Variants in RBMS3 observed in about 807,000 individuals in gnomAD.
RBMS3 encodes RNA binding motif single stranded interacting protein 3, also known as RNA-binding motif, single-stranded-interacting protein 3.
A neutral mutation model predicts 66.8 loss-of-function variants in RBMS3; 27 were observed. The ratio of observed to expected loss-of-function variants is 0.40; its 90% CI spans 0.30 to 0.56. RBMS3 has a LOEUF of 0.56. Among genes scored for constraint, RBMS3 ranks in the 20% least tolerant of loss-of-function variants. The pLI, the probability that RBMS3 is intolerant of heterozygous loss-of-function variation, is 0.40. For missense variants in RBMS3, 513 were observed against 549.5 expected, an observed-to-expected ratio of 0.93 and a Z score of 0.66; for synonymous variants, 188 against 183.0, an observed-to-expected ratio of 1.03 and a Z score of -0.22.
At chr3:29,561,697 C>T (rs994869610) in intron 3 of RBMS3, among the ~76,000 whole-genome samples, 11 of 152,188 alleles carry the variant, frequency 7.2e-5, no homozygotes, top group Admixed American at 4.6e-4. Flanking sequence ...GTGATCCGCC[C>T]GCCTCGGCCT....
intron 4 of RBMS3, among the ~76,000 whole-genome samples, chr3:29,705,648 T>C (rs2149297803): frequency 6.6e-6 from 1 of 152,312 alleles, no homozygotes; most frequent in South Asian, 2.1e-4. Flanking sequence ...GACTCACCTG[T>C]CCACCCTCCT....
intron 8 of RBMS3, among the ~76,000 whole-genome samples, chr3:29,892,788 A>G (rs941328903): frequency 6.7e-5 from 10 of 148,234 alleles, no homozygotes; most frequent in African/African-American, 2.5e-4. Context: ...CAGTAGCATG[A>G]CATCTCTGCT....
At chr3:29,822,235 T>A (rs1052702273) in intron 6 of RBMS3, among the ~76,000 whole-genome samples, 2 of 152,192 alleles carry the variant, frequency 1.3e-5, no homozygotes, top group Non-Finnish European at 2.9e-5. Context: ...CTGCAAGTAT[T>A]TGAGAACTTT....
At chr3:29,887,609 G>A (rs2149586237) in intron 8 of RBMS3, among the ~76,000 whole-genome samples, 1 of 151,810 alleles carries the variant, frequency 6.6e-6, no homozygotes, top group African/African-American at 2.4e-5. Flanking sequence ...AAATTACCCA[G>A]TTTCAGGCAG....
intron 6 of RBMS3, among the ~76,000 whole-genome samples, chr3:29,831,852 G>GT (rs2058376947): frequency 6.9e-6 from 1 of 145,218 alleles, no homozygotes; most frequent in Non-Finnish European, 1.5e-5. Flanking sequence ...AATTTCTGAG[G>GT]GTAGACATTT....
chr3:29,557,449 A>G (rs954545209), intron 3 of RBMS3, among the ~76,000 whole-genome samples: 3 of 152,224 alleles, frequency 2.0e-5, no homozygotes, highest in Non-Finnish European at 4.4e-5. Flanking sequence ...CTCTGGCTGG[A>G]GGTCTAATTT....
chr3:29,728,277 G>A (rs2053973866), intron 4 of RBMS3, among the ~76,000 whole-genome samples: 1 of 152,092 alleles, frequency 6.6e-6, no homozygotes, highest in Admixed American at 6.6e-5. Flanking sequence ...AAACCTAGAT[G>A]ACGGGTCGAT....
chr3:29,607,282 A>G (rs967197217), intron 4 of RBMS3, among the ~76,000 whole-genome samples: 3 of 151,888 alleles, frequency 2.0e-5, no homozygotes, highest in Non-Finnish European at 4.4e-5. Context: ...GCCATAGACT[A>G]GGTAGCTTAT....
chr3:29,802,948 G>T (rs4600785), intron 6 of RBMS3, among the ~76,000 whole-genome samples: 43,040 of 152,032 alleles, frequency 0.28, 7,152 homozygotes, highest in Non-Finnish European at 0.38. Context: ...ACTCTTGATC[G>T]AGGTGAGGGA....
At position 29,988,158 on chromosome 3, in the gene RBMS3, G is replaced by C. The variant is rs534241912; in HGVS notation, c.1114G>C (p.Ala372Pro). 1.2e-6 allele frequency: 2 copies of C among 1,612,764 alleles called. No individual in the cohort carries two copies. The highest frequency in any genetic ancestry group is 2.7e-5 in the African/African-American group (2 of 74,984). ...QLLCQYMTAA[A>P]PMQGTYIPQY... ...TTCTCTCTAGTATATGACTGCTGCT[G>C]CTCCTATGCAAGGGACCTACATTCC... Residue 372 changes from alanine to proline, a missense_variant, in exon 13 of 15, where the codon GCT becomes CCT. Coordinates refer to ENST00000383767, the MANE Select transcript of RBMS3 (RefSeq NM_001003793.3).
intron 1 of RBMS3, among the ~76,000 whole-genome samples, chr3:29,407,859 A>T (rs2040090396): frequency 6.6e-6 from 1 of 152,248 alleles, no homozygotes; most frequent in East Asian, 1.9e-4. Context: ...CTTGACTAAT[A>T]ATAGAATTCA....
chr3:29,376,835 G>A (rs1034141044), intron 1 of RBMS3, among the ~76,000 whole-genome samples: 3 of 152,182 alleles, frequency 2.0e-5, no homozygotes, highest in East Asian at 1.9e-4. Flanking sequence ...AACCCGGGAG[G>A]CGGAGGTTGC....
At chr3:29,323,717 CACACACA>C (rs1559487771) in intron 1 of RBMS3, among the ~76,000 whole-genome samples, 3 of 150,962 alleles carry the variant, frequency 2.0e-5, no homozygotes, top group Non-Finnish European at 4.4e-5. Context: ...CACACACACA[CACACACA>C]CACCCCTTGG....
At chr3:29,780,187 T>C (rs2056579713) in intron 6 of RBMS3, among the ~76,000 whole-genome samples, 1 of 151,986 alleles carries the variant, frequency 6.6e-6, no homozygotes, top group Non-Finnish European at 1.5e-5. Flanking sequence ...TAGTTTTTGC[T>C]GAAAATAAAC....
At chr3:29,527,986 T>C (rs2045200424) in intron 3 of RBMS3, among the ~76,000 whole-genome samples, 1 of 151,676 alleles carries the variant, frequency 6.6e-6, no homozygotes, top group Non-Finnish European at 1.5e-5. Context: ...TCTTAGTGTA[T>C]TTTTTTTACC....
chr3:29,921,815 A>G (rs1290117724), intron 10 of RBMS3, among the ~76,000 whole-genome samples: 1 of 152,172 alleles, frequency 6.6e-6, no homozygotes, highest in Non-Finnish European at 1.5e-5. Context: ...CCTTCATCAT[A>G]TTTTAGAGTT....
intron 1 of RBMS3, among the ~76,000 whole-genome samples, chr3:29,350,272 C>T (rs2036833425): frequency 6.6e-6 from 1 of 151,652 alleles, no homozygotes; most frequent in South Asian, 2.1e-4. Context: ...ATGACTGTTC[C>T]TGCTAGTTAG....
intron 6 of RBMS3, among the ~76,000 whole-genome samples, chr3:29,786,074 A>T (rs1027949686): frequency 1.3e-5 from 2 of 150,862 alleles, no homozygotes; most frequent in Non-Finnish European, 3.0e-5. Flanking sequence ...CAAATGAAGA[A>T]CTCAACCCCT....
intron 6 of RBMS3, among the ~76,000 whole-genome samples, chr3:29,819,370 G>C (rs1247280977): frequency 2.0e-5 from 3 of 152,142 alleles, no homozygotes; most frequent in Non-Finnish European, 4.4e-5. Flanking sequence ...ATAAATAGAG[G>C]TGGCTGTATT....
Sources: gnomAD v4.1 joint callset for allele counts (sites outside exome capture counted in the v4.1 genomes callset) on GRCh38, gnomAD v4.1.1 for gene constraint, MANE v1.5 for transcripts, NCBI Gene and HGNC (gene_info 2026-07-23, HGNC 2026-07-21) for gene names.